The following MAVS variants were observed in gnomAD, a reference collection of about 807,000 sequenced individuals.
MAVS encodes the protein mitochondrial antiviral signaling protein.
In MAVS, 20 loss-of-function variants were observed where a neutral mutation model predicts 30.2. The ratio of observed to expected loss-of-function variants is 0.66; its 90% CI spans 0.47 to 0.96. The LOEUF is 0.96. Among genes scored for constraint, MAVS ranks in the 40% least tolerant of loss-of-function variants. The probability of loss-of-function intolerance (pLI) is 0.00; values close to 1 mark genes in which losing one functional copy is unlikely to be tolerated. For synonymous variants in MAVS, 278 were observed against 293.9 expected, an observed-to-expected ratio of 0.95 and a Z score of 0.55; for missense variants, 624 against 701.1, an observed-to-expected ratio of 0.89 and a Z score of 1.24.
chr20:3,859,127 T>G (rs1355650323), intron 3 of MAVS, among the ~76,000 whole-genome samples: 1 of 121,488 alleles, frequency 8.2e-6, no homozygotes, highest in African/African-American at 4.0e-5. Context: ...CCTTCCTTGC[T>G]TTTCCTCCCT....
intron 1 of MAVS, among the ~76,000 whole-genome samples, chr20:3,850,589 CAA>C (rs772362750): frequency 3.5e-4 from 25 of 70,896 alleles, no homozygotes; most frequent in Admixed American, 6.6e-4. Flanking sequence ...AACTCCATTT[CAA>C]AAAAAAAAAA....
chr20:3,852,613 G>A (rs185211109), intron 1 of MAVS, among the ~76,000 whole-genome samples: 2 of 152,218 alleles, frequency 1.3e-5, no homozygotes, highest in Admixed American at 6.6e-5. Flanking sequence ...GGTACATGCA[G>A]ACCTTCCCAG....
intron 1 of MAVS, 127 bp from the exon 2 acceptor site, chr20:3,854,431 A>AAAAAAAAAAAG: frequency 2.7e-6 from 1 of 363,884 alleles, no homozygotes; most frequent in Non-Finnish European, 4.9e-6. Flanking sequence ...TCTCAAAAAA[A>AAAAAAAAAAAG]AAAAAAAGAA....
At chr20:3,847,213 T>G (rs2146749914) in intron 1 of MAVS, among the ~76,000 whole-genome samples, 1 of 152,210 alleles carries the variant, frequency 6.6e-6, no homozygotes, top group African/African-American at 2.4e-5. Context: ...GCTGACCTCC[T>G]CCTGCCGCCC....
chr20:3,855,795 T>C (rs1027168689), intron 2 of MAVS, among the ~76,000 whole-genome samples: 1 of 152,242 alleles, frequency 6.6e-6, no homozygotes, highest in Non-Finnish European at 1.5e-5. Flanking sequence ...AAATTTTTTT[T>C]TGAGACGGAG....
chr20:3,848,259 T>C lies in MAVS; in HGVS notation c.-68+1356T>C, dbSNP rs192215116. On this transcript the variant is annotated intron_variant, in intron 1 of 6. Coordinates refer to ENST00000428216, the MANE Select transcript of MAVS (RefSeq NM_020746.5). ...GACTACAGGTGTGTGCCACCATGCC[T>C]GGCTAATTTTTGCATTTTTAGTAGA... Among the ~76,000 whole-genome samples, 1,176 of 152,186 alleles carry C rather than the reference T, an allele frequency of 7.7e-3. 14 individuals carry two copies. The highest frequency in any genetic ancestry group is 0.025 in the African/African-American group (1,057 of 41,518).
At position 3,867,931 on chromosome 20, in the gene MAVS, T is replaced by G. The variant is rs1307758018; in HGVS notation, c.*1784T>G. Reference sequence around the variant, plus strand: ...TGCTGGACAAGGCACAGGAGCCACCTCCATTTCTGAGCTCTGCAAGGGACA... The same window carrying G: ...TGCTGGACAAGGCACAGGAGCCACCGCCATTTCTGAGCTCTGCAAGGGACA... On this transcript the variant is annotated 3_prime_UTR_variant, in exon 7 of 7. Transcript: ENST00000428216. 1 of 152,260 alleles carries G rather than the reference T, an allele frequency of 6.6e-6. No individual in the cohort carries two copies. The highest frequency in any genetic ancestry group is 2.4e-5 in the African/African-American group (1 of 41,376). 9.4% of individuals were successfully genotyped at this position (152,260 alleles called of 1,614,324 possible). A position where few individuals can be genotyped will look rare whatever the true frequency, so the allele number is the denominator to read the frequency against.
Position 3,857,711 on chromosome 20 carries a change from G to A in MAVS, c.194G>A (p.Arg65Gln), listed in dbSNP as rs780728076. 4 of 1,614,232 alleles carry A rather than the reference G, an allele frequency of 2.5e-6. No homozygotes were observed. Among genetic ancestry groups the A allele is most frequent in the South Asian group, 1.1e-5 (1 of 91,088 alleles). Reference sequence around the variant, plus strand: ...CATCTCTTCAATACCCTTCAGCGGCGGCCCGGCTGGGTGGAGTACTTCATT... The same window carrying A: ...CATCTCTTCAATACCCTTCAGCGGCAGCCCGGCTGGGTGGAGTACTTCATT... ...LWHLFNTLQR[R>Q]PGWVEYFIAA... Residue 65 changes from arginine (R) to glutamine (Q), a missense_variant, in exon 3 of 7, where the codon CGG becomes CAG. Coordinates refer to ENST00000428216, the MANE Select transcript of MAVS (RefSeq NM_020746.5).
intron 1 of MAVS, among the ~76,000 whole-genome samples, chr20:3,848,161 C>T (rs2089724397): frequency 6.6e-6 from 1 of 151,728 alleles, no homozygotes; most frequent in African/African-American, 2.4e-5. Flanking sequence ...GCGCAGTGGT[C>T]CAATCTTGGC....
rs747093762 is a variant in MAVS, at chr20:3,866,147, G to A, written c.1623G>A (p.Ter541=). The A allele has an allele frequency of 3.3e-5, 52 of 1,577,676 alleles. No individual in the cohort carries two copies. The South Asian group carries it at 5.4e-4, about 16-fold the overall frequency. The change falls in exon 7 of 7, where the codon TAG becomes TAA. Residue 541 remains the stop codon, a stop_retained_variant. Transcript: ENST00000428216. ...LVVLYRRRLH[*] is the part of the protein sequence containing the mutation. ...TGCTGTACCGGCGGCGTCTGCACTA[G>A]TGAAGCCCTGGGCTCTTCCCACCAC...
At chr20:3,855,243 C>T (rs954154916) in intron 2 of MAVS, among the ~76,000 whole-genome samples, 5 of 152,076 alleles carry the variant, frequency 3.3e-5, no homozygotes, top group African/African-American at 1.2e-4. Context: ...CTGACTTCGC[C>T]GAGCTCCCCC....
intron 2 of MAVS, 50 bp from the exon 3 acceptor site, chr20:3,857,585 G>C: frequency 2.6e-6 from 4 of 1,560,012 alleles, no homozygotes; most frequent in Non-Finnish European, 2.6e-6. Flanking sequence ...GGGTGGGGAA[G>C]TGGCAGGGGC....
Position 3,873,262 on chromosome 20 carries a change from G to A in MAVS, c.*7115G>A, listed in dbSNP as rs1286510093. The A allele has an allele frequency of 6.6e-6, 1 of 152,196 alleles. No individual in the cohort carries two copies. Among genetic ancestry groups the A allele is most frequent in the Admixed American group, 6.6e-5 (1 of 15,264 alleles). 9.4% of individuals were successfully genotyped at this position (152,196 alleles called of 1,614,324 possible). A position where few individuals can be genotyped will look rare whatever the true frequency, so the allele number is the denominator to read the frequency against. ...GGTGGGGCCTTTGGGGCTGGGTATG[G>A]TGGCTCATGACTGTAATCCCAGCAC... On this transcript the variant is annotated 3_prime_UTR_variant, in exon 7 of 7. Coordinates refer to ENST00000428216, the MANE Select transcript of MAVS (RefSeq NM_020746.5).
Position 3,854,659 on chromosome 20 carries a change from T to A in MAVS, c.35T>A (p.Ile12Asn). 1 of 1,613,928 alleles carries A rather than the reference T, an allele frequency of 6.2e-7. No homozygotes were observed. The highest frequency in any genetic ancestry group is 8.5e-7 in the Non-Finnish European group (1 of 1,179,908). ...GCTGAAGACAAGACCTATAAGTATA[T>A]CTGCCGCAATTTCAGCAATTTTTGC... ...PFAEDKTYKY[I>N]CRNFSNFCNV... The change falls in exon 2 of 7, where the codon ATC (isoleucine) becomes AAC (asparagine). Residue 12 changes from isoleucine to asparagine, a missense_variant. By Grantham distance (149) the Ile-to-Asn change is moderately radical. Transcript: ENST00000428216.
chr20:3,850,401 C>T (rs1287115303), intron 1 of MAVS, among the ~76,000 whole-genome samples: 3 of 147,956 alleles, frequency 2.0e-5, no homozygotes, highest in African/African-American at 5.0e-5. Flanking sequence ...AGTTCGAGAC[C>T]GGAACATGGT....
intron 5 of MAVS, among the ~76,000 whole-genome samples, chr20:3,862,793 T>C (rs982451129): frequency 1.3e-5 from 2 of 152,164 alleles, no homozygotes; most frequent in Non-Finnish European, 1.5e-5. Context: ...TTCTCTTCTA[T>C]GTAGTCTCTC....
Position 3,861,396 on chromosome 20 carries a change from C to T in MAVS, c.357C>T (p.Pro119=). 6.2e-7 allele frequency: 1 copy of T among 1,614,098 alleles called. No homozygotes were observed. Among genetic ancestry groups the T allele is most frequent in the Non-Finnish European group, 8.5e-7 (1 of 1,180,012 alleles). The part of the protein sequence containing the change: ...PPSLPAERPG[P]PTPAAAHSIP... ...CACTTCCTGCTGAGAGGCCAGGGCCCCCCACACCTGCTGCGGCCCACAGCA... is the reference window on the plus strand; with the variant it reads ...CACTTCCTGCTGAGAGGCCAGGGCCTCCCACACCTGCTGCGGCCCACAGCA... The change falls in exon 4 of 7, where the codon CCC becomes CCT. Residue 119 remains proline, a synonymous_variant. Transcript: ENST00000428216.
In MAVS at chr20:3,875,961, C is replaced by T. The variant is rs1206224397; in HGVS notation, c.*9814C>T. On this transcript the variant is annotated 3_prime_UTR_variant, in exon 7 of 7. Coordinates refer to ENST00000428216, the MANE Select transcript of MAVS (RefSeq NM_020746.5). ...CATACAGCTGGAAATCGGCTTCTTG[C>T]AGGAGGCGTATCCAAAGGAATTGGA... 1 of 152,290 alleles carries T rather than the reference C, an allele frequency of 6.6e-6. No homozygotes were observed. Among genetic ancestry groups the T allele is most frequent in the African/African-American group, 2.4e-5 (1 of 41,436 alleles). 9.4% of individuals were successfully genotyped at this position (152,290 alleles called of 1,614,324 possible). A position where few individuals can be genotyped will look rare whatever the true frequency, so the allele number is the denominator to read the frequency against.
chr20:3,876,048 T>A lies in MAVS; in HGVS notation c.*9901T>A, dbSNP rs1054441130. ...TAATTTTTTTTCCTACTTGCTGTCA[T>A]GATGATGTCCTTAGAATTGTGAGCC... On this transcript the variant is annotated 3_prime_UTR_variant, in exon 7 of 7. Coordinates refer to ENST00000428216, the MANE Select transcript of MAVS (RefSeq NM_020746.5). 3 of 152,330 alleles carry A rather than the reference T, an allele frequency of 2.0e-5. No homozygotes were observed. The highest frequency in any genetic ancestry group is 7.2e-5 in the African/African-American group (3 of 41,448). 9.4% of individuals were successfully genotyped at this position (152,330 alleles called of 1,614,324 possible).
Sources: allele counts gnomAD v4.1 joint callset (sites outside exome capture counted in the v4.1 genomes callset), GRCh38; gene constraint gnomAD v4.1.1; transcripts MANE v1.5; gene names NCBI Gene and HGNC (gene_info 2026-07-23, HGNC 2026-07-21).